Variants in ABI3BP observed in about 807,000 individuals in gnomAD.
ABI3BP encodes ABI family member 3 binding protein.
A neutral mutation model predicts 268.6 loss-of-function variants in ABI3BP; 216 were observed. That is an observed-to-expected ratio of 0.80 (90% confidence interval 0.72 to 0.90). The LOEUF (loss-of-function observed/expected upper bound fraction) is 0.90. ABI3BP is among the 40% of genes least tolerant of loss of function. The probability of loss-of-function intolerance (pLI) is 0.00; values close to 1 mark genes in which losing one functional copy is unlikely to be tolerated. For synonymous variants in ABI3BP, 730 were observed against 730.0 expected, an observed-to-expected ratio of 1.00 and a Z score of 0.00; for missense variants, 2,090 against 2,182.4, an observed-to-expected ratio of 0.96 and a Z score of 0.84.
chr3:100,983,397 G>A (rs747649895), intron 1 of ABI3BP, among the ~76,000 whole-genome samples: 4 of 152,134 alleles, frequency 2.6e-5, no homozygotes, highest in Admixed American at 1.3e-4. Flanking sequence ...TATATAACCC[G>A]TACTTTCTGA....
chr3:100,836,968 T>C (rs1053973579), intron 27 of ABI3BP, among the ~76,000 whole-genome samples, 156 bp downstream of exon 27: 10 of 152,190 alleles, frequency 6.6e-5, no homozygotes, highest in African/African-American at 2.4e-4. Context: ...GGATGCCTAA[T>C]GATGTTAAAA....
intron 23 of ABI3BP, among the ~76,000 whole-genome samples, 176 bp from the exon 24 acceptor site, chr3:100,839,792 C>T (rs1278999036): frequency 1.3e-5 from 2 of 152,114 alleles, no homozygotes; most frequent in African/African-American, 4.8e-5. Flanking sequence ...CCTCATCTGC[C>T]ATGAATGTAC....
chr3:100,961,835 T>C (rs2079216179), intron 1 of ABI3BP, among the ~76,000 whole-genome samples: 1 of 152,184 alleles, frequency 6.6e-6, no homozygotes, highest in Non-Finnish European at 1.5e-5. Context: ...TTTTACTTCC[T>C]CCCAAACTAG....
At chr3:100,850,596 G>A in intron 16 of ABI3BP, 64 bp downstream of exon 16, 1 of 1,180,374 alleles carries the variant, frequency 8.5e-7, no homozygotes, top group Non-Finnish European at 1.3e-6. Flanking sequence ...TTGGAAGAAA[G>A]GCATTCACAT....
At position 100,774,551 on chromosome 3, in the gene ABI3BP, C is replaced by T. The variant is rs534055674; in HGVS notation, c.4531+54G>A. The T allele has an allele frequency of 1.0e-5, 14 of 1,392,694 alleles. 1 individual carries two copies. Among genetic ancestry groups the T allele is most frequent in the South Asian group, 9.4e-5 (7 of 74,098 alleles). The allele number at this position is 1,392,694 out of a possible 1,614,324, so 86.3% of individuals were successfully genotyped here. Reference sequence around the variant, plus strand: ...TTTACACAGCAATAACTGGCTGATACACCTACCAAAAATGGCCTTTTCAAA... The same window carrying T: ...TTTACACAGCAATAACTGGCTGATATACCTACCAAAAATGGCCTTTTCAAA... On this transcript the variant is annotated intron_variant, in intron 61 of 67. Transcript: ENST00000471714.
intron 2 of ABI3BP, among the ~76,000 whole-genome samples, chr3:100,922,908 C>A (rs538551430): frequency 6.6e-6 from 1 of 152,022 alleles, no homozygotes; most frequent in African/African-American, 2.4e-5. Flanking sequence ...AAATAAGTCA[C>A]GGAAGACTAT....
chr3:100,839,477 G>C, intron 24 of ABI3BP, 92 bp downstream of exon 24: 2 of 1,283,186 alleles, frequency 1.6e-6, no homozygotes, highest in East Asian at 2.5e-5. Flanking sequence ...CTGTGATGAG[G>C]TGGTGGAACT....
chr3:100,886,110 G>T (rs2041873727), intron 5 of ABI3BP, 32 bp downstream of exon 5: 1 of 1,501,562 alleles, frequency 6.7e-7, no homozygotes, highest in Non-Finnish European at 8.9e-7. Context: ...AATTATAAAA[G>T]CTTACTGAAA....
At chr3:100,801,437 A>AAAG (rs1560224981) in intron 51 of ABI3BP, among the ~76,000 whole-genome samples, 1 of 144,738 alleles carries the variant, frequency 6.9e-6, no homozygotes, top group Non-Finnish European at 1.6e-5. Context: ...AAAAAAAAAA[A>AAAG]AAAGAAAAGA....
chr3:100,866,154 C>T (rs58469754), intron 10 of ABI3BP, among the ~76,000 whole-genome samples: 6,537 of 152,192 alleles, frequency 0.043, 414 homozygotes, highest in East Asian at 0.15. Context: ...AAAAAATTCA[C>T]TACAGATTGG....
At chr3:100,872,269 CTT>C (rs1243792907) in intron 9 of ABI3BP, among the ~76,000 whole-genome samples, 1 of 152,144 alleles carries the variant, frequency 6.6e-6, no homozygotes, top group Non-Finnish European at 1.5e-5. Flanking sequence ...TAAAATAACA[CTT>C]AATTCTGGAC....
At chr3:100,814,516 T>G (rs1187043337) in intron 44 of ABI3BP, among the ~76,000 whole-genome samples, 1 of 152,108 alleles carries the variant, frequency 6.6e-6, no homozygotes, top group African/African-American at 2.4e-5. Flanking sequence ...CATCGTTCCT[T>G]GACTCCTGTA....
At chr3:100,777,482 G>GA (rs201981219) in intron 59 of ABI3BP, among the ~76,000 whole-genome samples, 1,758 of 152,002 alleles carry the variant, frequency 0.012, 35 homozygotes, top group African/African-American at 0.029. Flanking sequence ...GGAATTCAGA[G>GA]AAAAAAAACC....
intron 51 of ABI3BP, among the ~76,000 whole-genome samples, chr3:100,803,723 T>C (rs751300218): frequency 1.3e-5 from 2 of 152,218 alleles, no homozygotes; most frequent in Non-Finnish European, 2.9e-5. Context: ...AATAAGCTGA[T>C]CTTTTGCAAG....
intron 37 of ABI3BP, 104 bp from the exon 38 acceptor site, chr3:100,822,776 CT>C: frequency 2.0e-6 from 2 of 984,372 alleles, no homozygotes; most frequent in Non-Finnish European, 3.0e-6. Flanking sequence ...AGATATTTGC[CT>C]TTTAGTTCGA....
chr3:100,978,101 A>G (rs2087213752), intron 1 of ABI3BP, among the ~76,000 whole-genome samples: 1 of 152,218 alleles, frequency 6.6e-6, no homozygotes, highest in Non-Finnish European at 1.5e-5. Flanking sequence ...GTACTAGTCT[A>G]CATGCAGCTT....
chr3:100,875,201 C>A (rs2099148568), intron 8 of ABI3BP, among the ~76,000 whole-genome samples: 4 of 152,132 alleles, frequency 2.6e-5, no homozygotes, highest in Admixed American at 2.6e-4. Flanking sequence ...GTGTGGTGAA[C>A]AAAGATTATT....
intron 1 of ABI3BP, among the ~76,000 whole-genome samples, chr3:100,944,329 T>A (rs1437856864): frequency 5.9e-5 from 9 of 152,156 alleles, no homozygotes; most frequent in African/African-American, 1.4e-4. Context: ...CCAAAAGGAC[T>A]CATACTTCTT....
intron 1 of ABI3BP, among the ~76,000 whole-genome samples, chr3:100,970,773 C>G (rs147226244): frequency 5.3e-4 from 81 of 152,290 alleles, no homozygotes; most frequent in African/African-American, 1.9e-3. Flanking sequence ...CACCTGTTCT[C>G]CCTCTCCTTA....
Sources: allele counts gnomAD v4.1 joint callset (sites outside exome capture counted in the v4.1 genomes callset), GRCh38; gene constraint gnomAD v4.1.1; transcripts MANE v1.5; gene names NCBI Gene and HGNC (gene_info 2026-07-23, HGNC 2026-07-21).